The following SLC39A12 variants were observed in gnomAD, a reference collection of about 807,000 sequenced individuals.
SLC39A12 encodes the protein zinc transporter ZIP12.
Under a neutral mutation model 71.1 loss-of-function variants are expected in SLC39A12, and 63 were observed. That is an observed-to-expected ratio of 0.89 (90% confidence interval 0.72 to 1.09). SLC39A12 has a LOEUF of 1.09. Ranked by LOEUF, SLC39A12 falls within the 50% of genes least tolerant of loss-of-function variation. The probability of loss-of-function intolerance (pLI) is 0.00; values close to 1 mark genes in which losing one functional copy is unlikely to be tolerated. For synonymous variants in SLC39A12, 351 were observed against 301.3 expected (o/e 1.16, Z -1.71); for missense variants, 892 against 812.6 (o/e 1.10, Z -1.19).
chr10:17,969,339 T>G lies in SLC39A12; in HGVS notation c.751+3649T>G, dbSNP rs1834910777. ...GATTGTTGGTCATATGGTAGCTCAA[T>G]TTTTAGTTTTTTTGAGAAACCTCCC... On this transcript the variant is annotated intron_variant, in intron 4 of 12. Coordinates refer to ENST00000377369, the MANE Select transcript of SLC39A12 (RefSeq NM_001145195.2). Among the ~76,000 whole-genome samples the G allele has an allele frequency of 2.6e-5, 4 of 152,178 alleles. No homozygotes were observed. In the South Asian group the frequency reaches 8.3e-4, roughly 32 times the overall value.
At chr10:17,997,022 C>CAAA (rs71924913) in intron 10 of SLC39A12, among the ~76,000 whole-genome samples, 41,595 of 115,092 alleles carry the variant, frequency 0.36, 7,548 homozygotes, top group Non-Finnish European at 0.38. Context: ...GACTCCGTCT[C>CAAA]AAAAAAAAAA....
Position 18,003,258 on chromosome 10 carries a change from G to T in SLC39A12, c.1847G>T (p.Gly616Val), listed in dbSNP as rs1835887140. 6.2e-7 allele frequency: 1 copy of T among 1,613,932 alleles called. No homozygotes were observed. Among genetic ancestry groups the T allele is most frequent in the South Asian group, 1.1e-5 (1 of 91,078 alleles). ...ATAAGCTCCCTAACTGCCTTCATGG[G>T]ATTATACATTGGCCTTTCCGTGTCA... ...NFISSLTAFM[G>V]LYIGLSVSAD... The change falls in exon 12 of 13, where the codon GGA becomes GTA. Residue 616 changes from glycine (G) to valine (V), a missense_variant. Transcript: ENST00000377369.
Position 18,036,191 on chromosome 10 carries a change from G to A in SLC39A12, c.1948-6514G>A, listed in dbSNP as rs577221895. Among the ~76,000 whole-genome samples the A allele has an allele frequency of 2.6e-5, 4 of 152,342 alleles. No homozygotes were observed. The South Asian group carries it at 6.2e-4, about 24-fold the overall frequency. On this transcript the variant is annotated intron_variant, in intron 12 of 12. Coordinates refer to ENST00000377369, the MANE Select transcript of SLC39A12 (RefSeq NM_001145195.2). Reference sequence around the variant, plus strand: ...TGGGTTCCACCCAGTTCCAGCTTCAGGGCTGCTTTGTTTACCTAAGCAAGC... The same window carrying A: ...TGGGTTCCACCCAGTTCCAGCTTCAAGGCTGCTTTGTTTACCTAAGCAAGC...
intron 1 of SLC39A12, 72 bp from the exon 2 acceptor site, chr10:17,953,119 C>G (rs1834446199): frequency 2.1e-6 from 2 of 932,432 alleles, no homozygotes. Context: ...GCTTAGCCAC[C>G]CAATTAATGA....
chr10:17,997,704 C>T (rs554188591), intron 10 of SLC39A12, among the ~76,000 whole-genome samples: 2 of 152,164 alleles, frequency 1.3e-5, no homozygotes, highest in Admixed American at 6.5e-5. Context: ...TTGCCAGGGA[C>T]ATACTGAATT....
At chr10:17,957,681 C>T (rs1346868806) in intron 2 of SLC39A12, among the ~76,000 whole-genome samples, 5 of 152,072 alleles carry the variant, frequency 3.3e-5, no homozygotes, top group Admixed American at 6.6e-5. Flanking sequence ...CTAGTGGCGT[C>T]GAACTGAAAA....
At chr10:17,964,007 A>G (rs1312181384) in intron 3 of SLC39A12, among the ~76,000 whole-genome samples, 1 of 151,932 alleles carries the variant, frequency 6.6e-6, no homozygotes, top group Non-Finnish European at 1.5e-5. Flanking sequence ...AATTCTCTCC[A>G]CTGTTGGCTG....
At chr10:18,013,077 G>T (rs1836274720) in intron 12 of SLC39A12, among the ~76,000 whole-genome samples, 1 of 151,558 alleles carries the variant, frequency 6.6e-6, no homozygotes, top group South Asian at 2.1e-4. Flanking sequence ...TAGGTTCTTA[G>T]ATCTAACCTA....
rs1589231630 is a variant in SLC39A12 at position 17,984,895 on chromosome 10, G to T, written c.1097-2584G>T. Among the ~76,000 whole-genome samples, 3 of 152,304 alleles carry T rather than the reference G, an allele frequency of 2.0e-5. No individual in the cohort carries two copies. The South Asian group carries it at 6.2e-4, about 32-fold the overall frequency. On this transcript the variant is annotated intron_variant, in intron 6 of 12. Coordinates refer to ENST00000377369, the MANE Select transcript of SLC39A12 (RefSeq NM_001145195.2). ...TCCATAGCAATGAAAATGTGGTAGT[G>T]GGGGTACGGGAACAGATGCTTAAAA...
In SLC39A12 at chr10:17,965,580, C is replaced by G. The variant is rs1180306509; in HGVS notation, c.641C>G (p.Thr214Ser). Residue 214 changes from threonine (T) to serine (S), a missense_variant, in exon 4 of 13, where the codon ACT becomes AGT. Thr to Ser is a moderately conservative substitution (Grantham distance 58). Transcript: ENST00000377369. Reference sequence around the variant, plus strand: ...CCTCAGTTGGCAGCCATGATCATTACTTTGTCCCTCCAGGGTGTTTGTCTG... The same window carrying G: ...CCTCAGTTGGCAGCCATGATCATTAGTTTGTCCCTCCAGGGTGTTTGTCTG... ...TLPQLAAMIITLSLQGVCLGQ... is the reference protein window; with the variant it reads ...TLPQLAAMIISLSLQGVCLGQ... 6.2e-7 allele frequency: 1 copy of G among 1,614,056 alleles called. No individual in the cohort carries two copies. Among genetic ancestry groups the G allele is most frequent in the African/African-American group, 1.3e-5 (1 of 74,940 alleles).
At chr10:17,988,374 C>G (rs1835458653) in intron 7 of SLC39A12, among the ~76,000 whole-genome samples, 1 of 152,144 alleles carries the variant, frequency 6.6e-6, no homozygotes, top group African/African-American at 2.4e-5. Flanking sequence ...ACCTCCCCGT[C>G]TCCCTCTCTC....
At chr10:18,032,672 A>C (rs1261206300) in intron 12 of SLC39A12, among the ~76,000 whole-genome samples, 1 of 151,262 alleles carries the variant, frequency 6.6e-6, no homozygotes, top group Non-Finnish European at 1.5e-5. Flanking sequence ...CCTGGCCAGA[A>C]CTTCCAACAC....
chr10:18,024,701 A>G (rs1346497002), intron 12 of SLC39A12, among the ~76,000 whole-genome samples: 2 of 152,156 alleles, frequency 1.3e-5, no homozygotes, highest in Admixed American at 1.3e-4. Flanking sequence ...TGATGGACGA[A>G]TGTTAAAGTC....
intron 3 of SLC39A12, among the ~76,000 whole-genome samples, chr10:17,962,124 C>T: frequency 6.6e-6 from 1 of 152,160 alleles, no homozygotes; most frequent in East Asian, 1.9e-4. Context: ...GCTGTCTTCT[C>T]CTGGGTCCCT....
In SLC39A12 at chr10:17,981,416, G is replaced by C; in HGVS notation, c.1029G>C (p.Gln343His). The change falls in exon 6 of 13, where the codon CAG (glutamine) becomes CAC (histidine). Residue 343 changes from glutamine (Q) to histidine (H), a missense_variant. Coordinates refer to ENST00000377369, the MANE Select transcript of SLC39A12 (RefSeq NM_001145195.2). Reference protein sequence around the residue: ...FKQMSPGIIQQLLSCSCHLPK... With the variant: ...FKQMSPGIIQHLLSCSCHLPK... ...AAATGAGTCCAGGGATCATCCAGCA[G>C]CTCCTCAGCTGCTCCTGCCACTTAC... 6.2e-7 allele frequency: 1 copy of C among 1,613,966 alleles called. No homozygotes were observed. Among genetic ancestry groups the C allele is most frequent in the South Asian group, 1.1e-5 (1 of 91,046 alleles).
At chr10:18,029,002 G>T (rs1836760097) in intron 12 of SLC39A12, among the ~76,000 whole-genome samples, 1 of 151,844 alleles carries the variant, frequency 6.6e-6, no homozygotes, top group Admixed American at 6.6e-5. Context: ...TTACAGGCGT[G>T]AGCCACCACG....
chr10:18,017,577 CTG>C (rs1564658502), intron 12 of SLC39A12, among the ~76,000 whole-genome samples: 1 of 152,180 alleles, frequency 6.6e-6, no homozygotes, highest in African/African-American at 2.4e-5. Flanking sequence ...GAATGTAAGA[CTG>C]TGTCTAGATT....
In SLC39A12 at chr10:18,043,152, G is replaced by A. The variant is rs1000146801; in HGVS notation, c.*319G>A. The A allele has an allele frequency of 6.2e-6, 1 of 161,780 alleles. No individual in the cohort carries two copies. Among genetic ancestry groups the A allele is most frequent in the Non-Finnish European group, 1.3e-5 (1 of 74,562 alleles). The allele number at this position is 161,780 out of a possible 1,614,324, so 10.0% of individuals were successfully genotyped here. ...ATTTTTTCCCTAAGAAAGAATGTTT[G>A]TAGAATTTAAAGTGGACAGATGCCT... On this transcript the variant is annotated 3_prime_UTR_variant, in exon 13 of 13. Coordinates refer to ENST00000377369, the MANE Select transcript of SLC39A12 (RefSeq NM_001145195.2).
intron 7 of SLC39A12, among the ~76,000 whole-genome samples, chr10:17,989,782 G>A (rs1326421593): frequency 1.3e-5 from 2 of 152,128 alleles, no homozygotes; most frequent in African/African-American, 4.8e-5. Flanking sequence ...GCCGGGTGTG[G>A]TGGTGGGCGC....
Sources: gnomAD v4.1 joint callset for allele counts (sites outside exome capture counted in the v4.1 genomes callset) on GRCh38, gnomAD v4.1.1 for gene constraint, MANE v1.5 for transcripts, NCBI Gene and HGNC (gene_info 2026-07-23, HGNC 2026-07-21) for gene names.